MYO1B: variants seen among roughly 807,000 people sequenced by gnomAD.
The protein encoded by MYO1B is myosin IB, also known as unconventional myosin-Ib.
Under a neutral mutation model 159.7 loss-of-function variants are expected in MYO1B, and 72 were observed. The observed-to-expected ratio is 0.45, with a 90% CI of 0.37 to 0.55. MYO1B has a LOEUF of 0.55. Ranked by LOEUF, MYO1B falls within the 20% of genes least tolerant of loss-of-function variation. MYO1B has a pLI of 0.00. For missense variants in MYO1B, 1,062 were observed against 1,364.8 expected, an observed-to-expected ratio of 0.78 and a Z score of 3.50; for synonymous variants, 468 against 473.8, an observed-to-expected ratio of 0.99 and a Z score of 0.16.
intron 3 of MYO1B, among the ~76,000 whole-genome samples, chr2:191,313,485 C>T (rs1690153320): frequency 6.6e-6 from 1 of 151,860 alleles, no homozygotes; most frequent in Non-Finnish European, 1.5e-5. Flanking sequence ...CCCGGGTTCA[C>T]ACCATTCTCC....
intron 1 of MYO1B, among the ~76,000 whole-genome samples, chr2:191,254,164 A>G (rs963220852): frequency 2.0e-5 from 3 of 152,220 alleles, no homozygotes; most frequent in Non-Finnish European, 2.9e-5. Context: ...AATACAGCAT[A>G]AAATAACTTA....
chr2:191,381,272 A>G (rs1695025401), intron 13 of MYO1B, 190 bp from the exon 14 acceptor site: 4 of 662,018 alleles, frequency 6.0e-6, no homozygotes, highest in South Asian at 3.2e-5. Flanking sequence ...TCATTCATTC[A>G]CTTACTCATG....
chr2:191,259,435 ATG>A (rs938432551), intron 1 of MYO1B, among the ~76,000 whole-genome samples: 10 of 152,162 alleles, frequency 6.6e-5, no homozygotes, highest in African/African-American at 2.4e-4. Flanking sequence ...TTTTATGTGA[ATG>A]TTTTAAAATG....
chr2:191,301,392 G>A (rs759954489), intron 3 of MYO1B, among the ~76,000 whole-genome samples: 4 of 150,944 alleles, frequency 2.6e-5, no homozygotes, highest in African/African-American at 4.9e-5. Flanking sequence ...TATAGGTTGA[G>A]CATCCCTAAT....
intron 1 of MYO1B, among the ~76,000 whole-genome samples, chr2:191,252,333 C>T (rs187029569): frequency 2.0e-5 from 3 of 152,188 alleles, no homozygotes; most frequent in South Asian, 2.1e-4. Flanking sequence ...GCTTATTTGC[C>T]GTAGTACTCT....
At chr2:191,313,520 G>A (rs929922300) in intron 3 of MYO1B, among the ~76,000 whole-genome samples, 4 of 152,160 alleles carry the variant, frequency 2.6e-5, no homozygotes, top group Admixed American at 6.5e-5. Context: ...GAGTAGCTGG[G>A]ACTACAGGCG....
intron 1 of MYO1B, among the ~76,000 whole-genome samples, chr2:191,256,318 G>A (rs1046593940): frequency 3.9e-5 from 6 of 152,142 alleles, no homozygotes; most frequent in Non-Finnish European, 5.9e-5. Flanking sequence ...TGCGCAATGT[G>A]GGTAATTTTG....
rs148936554 is a variant in MYO1B at position 191,364,403 on chromosome 2, C to T, written c.1032+127C>T. On this transcript the variant is annotated intron_variant, in intron 11 of 30. Coordinates refer to ENST00000392318, the MANE Select transcript of MYO1B (RefSeq NM_001130158.3). ...CGTACTATGTTCTAGGCATTGGGAACAGAGCAGTAAACTAAACAGATAAGG... is the reference window on the plus strand; with the variant it reads ...CGTACTATGTTCTAGGCATTGGGAATAGAGCAGTAAACTAAACAGATAAGG... 198 of 724,010 alleles carry T rather than the reference C, an allele frequency of 2.7e-4. 1 individual carries two copies. The African/African-American group carries it at 3.2e-3, about 12-fold the overall frequency. 44.8% of individuals were successfully genotyped at this position (724,010 alleles called of 1,614,324 possible).
chr2:191,355,978 C>CTG (rs1180419217), intron 7 of MYO1B, among the ~76,000 whole-genome samples: 1 of 152,090 alleles, frequency 6.6e-6, no homozygotes, highest in East Asian at 1.9e-4. Flanking sequence ...ATTGTTTAAT[C>CTG]TGTGTGTGTG....
At chr2:191,314,125 TTAACA>T (rs938501654) in intron 3 of MYO1B, among the ~76,000 whole-genome samples, 101 of 152,352 alleles carry the variant, frequency 6.6e-4, no homozygotes, top group African/African-American at 2.4e-3. Flanking sequence ...GAAAGACCTC[TTAACA>T]TATTTTCAAT....
At chr2:191,259,773 G>A (rs1211943830) in intron 1 of MYO1B, among the ~76,000 whole-genome samples, 1 of 152,180 alleles carries the variant, frequency 6.6e-6, no homozygotes, top group East Asian at 1.9e-4. Flanking sequence ...AAGAGTTGGA[G>A]TCTGGGATAA....
At chr2:191,379,702 C>CG (rs1168543940) in intron 13 of MYO1B, among the ~76,000 whole-genome samples, 22 of 152,092 alleles carry the variant, frequency 1.4e-4, no homozygotes. Context: ...AAAAAAAAGT[C>CG]AAAGATCTGC....
chr2:191,298,572 A>G (rs1689120676), intron 3 of MYO1B, among the ~76,000 whole-genome samples: 1 of 152,152 alleles, frequency 6.6e-6, no homozygotes, highest in Non-Finnish European at 1.5e-5. Flanking sequence ...GGCGCATGTA[A>G]GTCTGAGAAC....
chr2:191,424,119 AT>A lies in MYO1B; in HGVS notation c.*160del. The stretch of plus-strand genomic sequence containing the variant: ...TGACTAATCAATTTTTATTATTGGA[AT>A]AGTTTTAACCTTTCAAATACATGTT... On this transcript the variant is annotated 3_prime_UTR_variant, in exon 31 of 31. Coordinates refer to ENST00000392318, the MANE Select transcript of MYO1B (RefSeq NM_001130158.3). 1 of 858,460 alleles carries A rather than the reference AT, an allele frequency of 1.2e-6. No homozygotes were observed. The highest frequency in any genetic ancestry group is 1.8e-6 in the Non-Finnish European group (1 of 551,884). The allele number at this position is 858,460 out of a possible 1,614,324, so 53.2% of individuals were successfully genotyped here.
intron 25 of MYO1B, among the ~76,000 whole-genome samples, 180 bp from the exon 26 acceptor site, chr2:191,408,864 A>G (rs144049782): frequency 0.027 from 4,138 of 152,280 alleles, 76 homozygotes; most frequent in Middle Eastern, 0.068. Context: ...GGTAGAACTC[A>G]TATTTCCCCA....
intron 20 of MYO1B, among the ~76,000 whole-genome samples, 178 bp from the exon 21 acceptor site, chr2:191,396,251 G>T (rs1472428258): frequency 6.6e-6 from 1 of 152,138 alleles, no homozygotes; most frequent in Non-Finnish European, 1.5e-5. Flanking sequence ...AGCATACTTT[G>T]GATTAACTGT....
rs1696663639 is a variant in MYO1B, at chr2:191,402,310, GAA to G, written c.2470-320_2470-319del. The G allele has an allele frequency of 1.5e-5, 5 of 342,340 alleles. No individual in the cohort carries two copies. In the Admixed American group the frequency reaches 2.2e-4, roughly 15 times the overall value. The allele number at this position is 342,340 out of a possible 1,614,324, so 21.2% of individuals were successfully genotyped here. On this transcript the variant is annotated intron_variant, in intron 23 of 30. Coordinates refer to ENST00000392318, the MANE Select transcript of MYO1B (RefSeq NM_001130158.3). ...AGTTTGAAGGCTTTGATATGGGAGT[GAA>G]AGAGTGTGGAGAAGGCAGCGAACAG...
intron 3 of MYO1B, among the ~76,000 whole-genome samples, chr2:191,323,783 T>C (rs1195354095): frequency 3.3e-5 from 5 of 152,180 alleles, no homozygotes; most frequent in Non-Finnish European, 7.4e-5. Flanking sequence ...GATGATATTA[T>C]TTTTGTTTTG....
chr2:191,398,938 G>A (rs1212646925), intron 21 of MYO1B, among the ~76,000 whole-genome samples: 6 of 152,210 alleles, frequency 3.9e-5, no homozygotes, highest in African/African-American at 1.4e-4. Flanking sequence ...AGGTTGTAGT[G>A]AGCTGAGATC....
Sources: gnomAD v4.1 joint callset for allele counts (sites outside exome capture counted in the v4.1 genomes callset) on GRCh38, gnomAD v4.1.1 for gene constraint, MANE v1.5 for transcripts, NCBI Gene and HGNC (gene_info 2026-07-23, HGNC 2026-07-21) for gene names.